ADAMTS17: variants seen among roughly 807,000 people sequenced by gnomAD.
The protein encoded by ADAMTS17 is A disintegrin and metalloproteinase with thrombospondin motifs 17.
In ADAMTS17, 113 loss-of-function variants were observed where a neutral mutation model predicts 141.5. The observed-to-expected ratio is 0.80, with a 90% confidence interval of 0.69 to 0.93. The LOEUF (loss-of-function observed/expected upper bound fraction) is 0.93, where lower values mean the gene tolerates loss of function less well. Among genes scored for constraint, ADAMTS17 ranks in the 40% least tolerant of loss-of-function variants. The pLI, the probability that ADAMTS17 is intolerant of heterozygous loss-of-function variation, is 0.00. For synonymous variants in ADAMTS17, 768 were observed against 630.6 expected, an observed-to-expected ratio of 1.22 and a Z score of -3.27; for missense variants, 1,659 against 1,517.9, an observed-to-expected ratio of 1.09 and a Z score of -1.54.
intron 15 of ADAMTS17, among the ~76,000 whole-genome samples, chr15:100,079,334 G>A (rs1352618356): frequency 6.6e-6 from 1 of 152,196 alleles, no homozygotes; most frequent in African/African-American, 2.4e-5. Context: ...TTTATACAAT[G>A]TGATATCTCC....
intron 3 of ADAMTS17, among the ~76,000 whole-genome samples, chr15:100,322,800 T>A (rs1297759091): frequency 1.3e-5 from 2 of 152,184 alleles, no homozygotes; most frequent in African/African-American, 4.8e-5. Context: ...CACAGAATTA[T>A]AAATTGGCCA....
chr15:100,028,328 G>A (rs1027889710), intron 18 of ADAMTS17, among the ~76,000 whole-genome samples: 8 of 152,100 alleles, frequency 5.3e-5, no homozygotes, highest in African/African-American at 1.4e-4. Flanking sequence ...ACTCTGAAAC[G>A]GCATTCTTCG....
chr15:100,278,493 G>A (rs895193932), intron 4 of ADAMTS17, among the ~76,000 whole-genome samples: 1 of 152,108 alleles, frequency 6.6e-6, no homozygotes, highest in Non-Finnish European at 1.5e-5. Context: ...AGGTCCCAGG[G>A]GCCTCCTTGG....
At position 100,043,986 on chromosome 15, in the gene ADAMTS17, T is replaced by A. The variant is rs550673441; in HGVS notation, c.2591+4871A>T. Reference sequence around the variant, plus strand: ...GAGTCTGCACTCATGTTTGTTTATGTCACTTTGTTTTGTAGGTGTTTTCCT... The same window carrying A: ...GAGTCTGCACTCATGTTTGTTTATGACACTTTGTTTTGTAGGTGTTTTCCT... On this transcript the variant is annotated intron_variant, in intron 18 of 21. Coordinates refer to ENST00000268070, the MANE Select transcript of ADAMTS17 (RefSeq NM_139057.4). 4.7e-5 allele frequency among the ~76,000 whole-genome samples: 7 copies of A among 150,342 alleles called. No individual in the cohort carries two copies. The South Asian group carries it at 1.5e-3, about 31-fold the overall frequency.
intron 20 of ADAMTS17, among the ~76,000 whole-genome samples, chr15:99,977,204 C>G (rs1309137364): frequency 6.6e-6 from 1 of 150,792 alleles, no homozygotes; most frequent in Non-Finnish European, 1.5e-5. Context: ...ATTTAGACAT[C>G]CCTGGCTGCT....
chr15:100,206,164 T>C (rs984058888), intron 7 of ADAMTS17, among the ~76,000 whole-genome samples: 3 of 152,246 alleles, frequency 2.0e-5, no homozygotes, highest in Admixed American at 2.0e-4. Flanking sequence ...GAGTTCCCTT[T>C]CAGGAGACCT....
chr15:100,217,071 C>T (rs1242257407), intron 7 of ADAMTS17, among the ~76,000 whole-genome samples: 1 of 151,912 alleles, frequency 6.6e-6, no homozygotes, highest in Non-Finnish European at 1.5e-5. Context: ...ACAACAGGGA[C>T]ATGAGACATG....
intron 3 of ADAMTS17, among the ~76,000 whole-genome samples, chr15:100,286,159 C>T (rs2044440103): frequency 6.6e-6 from 1 of 152,168 alleles, no homozygotes; most frequent in Admixed American, 6.5e-5. Flanking sequence ...AACACTCACC[C>T]ACAGATCTCT....
intron 7 of ADAMTS17, among the ~76,000 whole-genome samples, chr15:100,201,608 C>G (rs1040483983): frequency 6.6e-6 from 1 of 152,244 alleles, no homozygotes; most frequent in Admixed American, 6.5e-5. Context: ...GTTTCACACA[C>G]TGGGCCCAGG....
At chr15:100,020,820 C>G (rs2061393531) in intron 18 of ADAMTS17, among the ~76,000 whole-genome samples, 1 of 152,204 alleles carries the variant, frequency 6.6e-6, no homozygotes, top group Non-Finnish European at 1.5e-5. Flanking sequence ...TCTCCATGCA[C>G]TGACTCAAGT....
At chr15:100,148,926 C>G (rs1236590204) in intron 10 of ADAMTS17, among the ~76,000 whole-genome samples, 1 of 151,878 alleles carries the variant, frequency 6.6e-6, no homozygotes, top group Non-Finnish European at 1.5e-5. Flanking sequence ...CATGAAGCAA[C>G]TGTGTCCCTG....
chr15:100,292,756 G>T (rs2044688595), intron 3 of ADAMTS17, among the ~76,000 whole-genome samples: 1 of 152,208 alleles, frequency 6.6e-6, no homozygotes, highest in Non-Finnish European at 1.5e-5. Context: ...TCCAGCCCAG[G>T]CATCCTTATC....
At chr15:100,145,242 C>A (rs985857963) in intron 10 of ADAMTS17, among the ~76,000 whole-genome samples, 2 of 152,184 alleles carry the variant, frequency 1.3e-5, no homozygotes, top group African/African-American at 2.4e-5. Context: ...TTCTTAGCAA[C>A]GGTCTTTGGG....
chr15:100,195,678 T>A (rs2041088806), intron 8 of ADAMTS17, among the ~76,000 whole-genome samples: 1 of 141,278 alleles, frequency 7.1e-6, no homozygotes, highest in African/African-American at 2.6e-5. Context: ...TCTGTCAATC[T>A]CACCCACAGT....
At position 99,997,824 on chromosome 15, in the gene ADAMTS17, C is replaced by A. The variant is rs999149052; in HGVS notation, c.2592-235G>T. On this transcript the variant is annotated intron_variant, in intron 18 of 21. Coordinates refer to ENST00000268070, the MANE Select transcript of ADAMTS17 (RefSeq NM_139057.4). This position sits in a 1 kb window ranked among gnomAD's most constrained non-coding sequence, Gnocchi z 4.7. ...CACAGACATCTTTCTGCAACCAACA[C>A]CCCTACGGCAGACAGAATTATCTGG... Among the ~76,000 whole-genome samples, 2 of 152,334 alleles carry A rather than the reference C, an allele frequency of 1.3e-5. No individual in the cohort carries two copies. The highest frequency in any genetic ancestry group is 2.9e-5 in the Non-Finnish European group (2 of 68,030).
intron 18 of ADAMTS17, among the ~76,000 whole-genome samples, chr15:100,038,763 C>G (rs1269396801): frequency 6.6e-6 from 1 of 152,160 alleles, no homozygotes; most frequent in Non-Finnish European, 1.5e-5. Context: ...TTTGTAAATA[C>G]AGACAGTTTT....
intron 14 of ADAMTS17, among the ~76,000 whole-genome samples, chr15:100,102,558 G>T (rs28438022): frequency 2.3e-5 from 3 of 131,450 alleles, no homozygotes; most frequent in African/African-American, 9.7e-5. Flanking sequence ...TTTGAAGGCC[G>T]ACCGAAGGGG....
rs534790974 is a variant in ADAMTS17, at chr15:99,972,557, G to C, written c.*1845C>G. On this transcript the variant is annotated 3_prime_UTR_variant, in exon 22 of 22. Transcript: ENST00000268070. ...TGAACCTCAGCGCCCCCAAAATTTT[G>C]AGGGCTTTGTGAAAATGGGAATTCA... is the stretch of plus-strand genomic sequence containing the variant. 2.6e-5 allele frequency: 4 copies of C among 152,318 alleles called. No homozygotes were observed. The highest frequency in any genetic ancestry group is 9.6e-5 in the African/African-American group (4 of 41,578). 9.4% of individuals were successfully genotyped at this position (152,318 alleles called of 1,614,324 possible).
At chr15:100,183,154 A>G (rs776344145) in intron 8 of ADAMTS17, among the ~76,000 whole-genome samples, 72 of 151,974 alleles carry the variant, frequency 4.7e-4, no homozygotes, top group Non-Finnish European at 9.1e-4. Context: ...AAACCTGACT[A>G]AGTTTTGTAT....
Sources: allele counts gnomAD v4.1 joint callset (sites outside exome capture counted in the v4.1 genomes callset), GRCh38; gene constraint gnomAD v4.1.1; non-coding constraint Gnocchi (gnomAD v3.1); transcripts MANE v1.5; gene names NCBI Gene and HGNC (gene_info 2026-07-23, HGNC 2026-07-21).